The following ECPAS variants were observed in gnomAD, a reference collection of about 807,000 sequenced individuals.
ECPAS encodes proteasome adapter and scaffold protein ECM29.
A neutral mutation model predicts 255.1 loss-of-function variants in ECPAS; 70 were observed. The observed-to-expected ratio is 0.27, with a 90% CI of 0.23 to 0.33. The LOEUF (loss-of-function observed/expected upper bound fraction) is 0.33, where lower values mean the gene tolerates loss of function less well. Among genes scored for constraint, ECPAS ranks in the 10% least tolerant of loss-of-function variants. The pLI is 1.00. For missense variants in ECPAS, 1,817 were observed against 2,206.4 expected, an observed-to-expected ratio of 0.82 and a Z score of 3.54; for synonymous variants, 784 against 775.0, an observed-to-expected ratio of 1.01 and a Z score of -0.19.
At position 111,464,434 on chromosome 9, in the gene ECPAS, GAAAA is replaced by G. The variant is rs919587017; in HGVS notation, c.22+8459_22+8462del. ...AACTGAGCAAGATCCTATCTCAAAA[GAAAA>G]AAAAAAAAAAAGAACTCTCCCAGGA... is the stretch of plus-strand genomic sequence containing the variant. On this transcript the variant is annotated intron_variant, in intron 2 of 49. Transcript: ENST00000684092. Among the ~76,000 whole-genome samples the G allele has an allele frequency of 6.7e-5, 6 of 89,956 alleles. No individual in the cohort carries two copies. The South Asian group carries it at 2.2e-3, about 34-fold the overall frequency. 59.0% of individuals were successfully genotyped at this position (89,956 alleles called of 152,430 possible).
chr9:111,427,459 GATT>G (rs2098223462), intron 10 of ECPAS, among the ~76,000 whole-genome samples: 1 of 152,148 alleles, frequency 6.6e-6, no homozygotes, highest in African/African-American at 2.4e-5. Context: ...GTCTGAAAGG[GATT>G]ATTACCATAC....
intron 48 of ECPAS, among the ~76,000 whole-genome samples, 197 bp from the exon 49 acceptor site, chr9:111,363,856 A>T (rs1168803014): frequency 6.6e-6 from 1 of 152,086 alleles, no homozygotes; most frequent in Admixed American, 6.6e-5. Context: ...CACAGTCTTT[A>T]CTTTGGAAAA....
chr9:111,428,310 T>C (rs1423219002), intron 9 of ECPAS, 149 bp from the exon 10 acceptor site: 1 of 601,128 alleles, frequency 1.7e-6, no homozygotes, highest in African/African-American at 1.9e-5. Flanking sequence ...TCCAAAGAGC[T>C]TCTGTTTATA....
chr9:111,363,741 G>C, intron 48 of ECPAS, 82 bp from the exon 49 acceptor site: 2 of 724,346 alleles, frequency 2.8e-6, no homozygotes, highest in Non-Finnish European at 4.6e-6. Context: ...CTGAAAGAAA[G>C]ATGTCCAGAA....
At chr9:111,463,514 G>A (rs1399872076) in intron 2 of ECPAS, among the ~76,000 whole-genome samples, 1 of 152,166 alleles carries the variant, frequency 6.6e-6, no homozygotes, top group East Asian at 1.9e-4. Context: ...GTATGAAACA[G>A]CAAAGAGCCA....
intron 3 of ECPAS, among the ~76,000 whole-genome samples, chr9:111,446,606 T>C (rs1274174182): frequency 1.3e-5 from 2 of 151,022 alleles, no homozygotes; most frequent in African/African-American, 2.4e-5. Context: ...GAATGATAAA[T>C]AGTAATATTA....
rs542639715 is a variant in ECPAS, at chr9:111,377,281, C to T, written c.3955-740G>A. ...ACATGTTGTATATAACAGGGTTTAA[C>T]AGTTCTAATAAAAATATATAAATTA... On this transcript the variant is annotated intron_variant, in intron 36 of 49. Transcript: ENST00000684092. Among the ~76,000 whole-genome samples the T allele has an allele frequency of 5.1e-4, 78 of 151,990 alleles. 1 individual carries two copies. The highest frequency in any genetic ancestry group is 4.4e-3 in the South Asian group (21 of 4,816).
chr9:111,368,447 G>A (rs1033855257), intron 46 of ECPAS, among the ~76,000 whole-genome samples: 9 of 152,136 alleles, frequency 5.9e-5, no homozygotes, highest in Admixed American at 2.6e-4. Context: ...AGTAGAACTC[G>A]TCTATCAAAC....
intron 7 of ECPAS, among the ~76,000 whole-genome samples, chr9:111,434,291 GAAGTC>G (rs2131860381): frequency 6.6e-6 from 1 of 152,172 alleles, no homozygotes; most frequent in East Asian, 1.9e-4. Flanking sequence ...AGGACACATG[GAAGTC>G]AAGTACACAA....
chr9:111,389,894 T>C, intron 30 of ECPAS, 90 bp downstream of exon 30: 1 of 1,135,494 alleles, frequency 8.8e-7, no homozygotes, highest in Non-Finnish European at 1.3e-6. Flanking sequence ...TTTCACAAAA[T>C]GCACTACATA....
chr9:111,369,782 C>G (rs1262571650), intron 45 of ECPAS, among the ~76,000 whole-genome samples: 2 of 152,036 alleles, frequency 1.3e-5, no homozygotes, highest in Non-Finnish European at 2.9e-5. Context: ...AATGAGTATT[C>G]CATTTTCCAC....
chr9:111,371,317 G>C (rs1357174883), intron 43 of ECPAS, among the ~76,000 whole-genome samples: 3 of 152,164 alleles, frequency 2.0e-5, no homozygotes, highest in African/African-American at 7.2e-5. Flanking sequence ...ATCCTGATCT[G>C]TTCATGAGGT....
chr9:111,419,684 T>C (rs1432629799), intron 16 of ECPAS, among the ~76,000 whole-genome samples: 1 of 151,436 alleles, frequency 6.6e-6, no homozygotes, highest in Non-Finnish European at 1.5e-5. Flanking sequence ...GGCTTGTTTT[T>C]AGATATATAA....
At chr9:111,401,945 T>C (rs2098176727) in intron 24 of ECPAS, among the ~76,000 whole-genome samples, 1 of 152,204 alleles carries the variant, frequency 6.6e-6, no homozygotes. Context: ...CAAACACACG[T>C]TTTACAAACA....
rs190348062 is a variant in ECPAS at position 111,481,016 on chromosome 9, T to A, written c.-83+3100A>T. On this transcript the variant is annotated intron_variant, in intron 1 of 49. Coordinates refer to ENST00000684092, the MANE Select transcript of ECPAS (RefSeq NM_001364929.1). ...TTCCTGCTATCAATTCAGACTTTAA[T>A]GTGTTTGGTTCTACAACAGGAACTC... Among the ~76,000 whole-genome samples, 464 of 152,326 alleles carry A rather than the reference T, an allele frequency of 3.0e-3. 2 individuals are homozygous for A. The highest frequency in any genetic ancestry group is 0.011 in the African/African-American group (453 of 41,578).
chr9:111,370,103 C>A (rs1438787079), intron 45 of ECPAS, among the ~76,000 whole-genome samples: 1 of 152,226 alleles, frequency 6.6e-6, no homozygotes, highest in Admixed American at 6.5e-5. Context: ...TCAAGAGAGA[C>A]ATGGCATGCC....
At chr9:111,408,988 T>A (rs1413793431) in intron 23 of ECPAS, among the ~76,000 whole-genome samples, 1 of 152,148 alleles carries the variant, frequency 6.6e-6, no homozygotes, top group African/African-American at 2.4e-5. Flanking sequence ...CCAAATCACA[T>A]CTCAACCATT....
intron 36 of ECPAS, among the ~76,000 whole-genome samples, chr9:111,377,321 T>C (rs1589120173): frequency 6.6e-6 from 1 of 151,904 alleles, no homozygotes. Context: ...AACAGTCAAA[T>C]AGAAAAATAG....
chr9:111,439,685 G>A (rs1428377295), intron 6 of ECPAS, among the ~76,000 whole-genome samples: 3 of 152,118 alleles, frequency 2.0e-5, no homozygotes, highest in African/African-American at 7.2e-5. Context: ...ACACATAAGC[G>A]TGCATGAAAT....
Sources: gnomAD v4.1 joint callset for allele counts (sites outside exome capture counted in the v4.1 genomes callset) on GRCh38, gnomAD v4.1.1 for gene constraint, MANE v1.5 for transcripts, NCBI Gene and HGNC (gene_info 2026-07-23, HGNC 2026-07-21) for gene names.